Variants in GALNT11 observed in about 807,000 individuals in gnomAD.
GALNT11 encodes polypeptide N-acetylgalactosaminyltransferase 11, also known as UDP-GalNAc:polypeptide N-acetylgalactosaminyltransferase 11.
Under a neutral mutation model 72.7 loss-of-function variants are expected in GALNT11, and 47 were observed. The ratio of observed to expected loss-of-function variants is 0.65; its 90% confidence interval spans 0.51 to 0.82. GALNT11 has a LOEUF of 0.82. GALNT11 is among the 40% of genes least tolerant of loss of function. GALNT11 has a pLI of 0.00. For synonymous variants in GALNT11, 270 were observed against 286.6 expected (o/e 0.94, Z 0.58); for missense variants, 677 against 778.4 (o/e 0.87, Z 1.55).
chr7:152,084,398 A>C (rs989683587), intron 1 of GALNT11, among the ~76,000 whole-genome samples: 4 of 150,772 alleles, frequency 2.7e-5, no homozygotes, highest in African/African-American at 7.3e-5. Context: ...AAAAAAAAAA[A>C]AAAAAACTTT....
chr7:152,113,106 A>G (rs2088421968), intron 7 of GALNT11, 140 bp from the exon 8 acceptor site: 4 of 838,270 alleles, frequency 4.8e-6, no homozygotes, highest in Admixed American at 5.5e-5. Flanking sequence ...TTCTATTTGA[A>G]TATTTGTATC....
At position 152,094,384 on chromosome 7, in the gene GALNT11, A is replaced by G. The variant is rs767897216; in HGVS notation, c.157A>G (p.Lys53Glu). 2 of 1,614,188 alleles carry G rather than the reference A, an allele frequency of 1.2e-6. No homozygotes were observed. The highest frequency in any genetic ancestry group is 1.1e-5 in the South Asian group (1 of 91,086). Reference sequence around the variant, plus strand: ...GTCTGGGCCCCACGGACCATCTCCAAAAAAATTCTATCCCCGTTTCACTCG... The same window carrying G: ...GTCTGGGCCCCACGGACCATCTCCAGAAAAATTCTATCCCCGTTTCACTCG... The part of the protein sequence containing the change: ...KGSGPHGPSP[K>E]KFYPRFTRGP... The change falls in exon 2 of 12, where the codon AAA (lysine) becomes GAA (glutamate). Residue 53 changes from lysine (K) to glutamate (E), a missense_variant. Lys to Glu is a moderately conservative substitution (Grantham distance 56). Coordinates refer to ENST00000430044, the MANE Select transcript of GALNT11 (RefSeq NM_022087.4). The surrounding 1 kb of genome is among the most constrained non-coding windows in gnomAD (Gnocchi z 4.3).
chr7:152,086,884 T>C (rs945735756), intron 1 of GALNT11, among the ~76,000 whole-genome samples: 1 of 152,252 alleles, frequency 6.6e-6, no homozygotes, highest in Non-Finnish European at 1.5e-5. Context: ...ACATGGCTGT[T>C]GTTCTGTGCT....
chr7:152,110,450 C>A, intron 6 of GALNT11, 78 bp from the exon 7 acceptor site: 2 of 952,492 alleles, frequency 2.1e-6, no homozygotes, highest in Non-Finnish European at 3.3e-6. Context: ...TCCAAAATGA[C>A]ACTGAGTATT....
intron 2 of GALNT11, among the ~76,000 whole-genome samples, chr7:152,099,859 GGCTCAA>G (rs1165587714): frequency 6.7e-6 from 1 of 150,054 alleles, no homozygotes. Flanking sequence ...TGATGTCCTG[GGCTCAA>G]GCAGTCTTCC....
intron 5 of GALNT11, among the ~76,000 whole-genome samples, chr7:152,105,950 C>A (rs902142669): frequency 2.6e-5 from 4 of 152,132 alleles, no homozygotes; most frequent in African/African-American, 9.7e-5. Flanking sequence ...ACTGCTCTCC[C>A]CCTTTAAAAA....
At chr7:152,051,852 G>C (rs1437685278) in intron 1 of GALNT11, among the ~76,000 whole-genome samples, 3 of 152,154 alleles carry the variant, frequency 2.0e-5, no homozygotes, top group African/African-American at 4.8e-5. Context: ...TTTCTTTGCT[G>C]TTCCTTGTAA....
intron 1 of GALNT11, among the ~76,000 whole-genome samples, chr7:152,045,751 T>C (rs765118139): frequency 3.3e-5 from 5 of 152,036 alleles, no homozygotes; most frequent in Non-Finnish European, 5.9e-5. Context: ...TGTTGATCTT[T>C]TGTATTGTTT....
chr7:152,101,647 G>C lies in GALNT11; in HGVS notation c.419+726G>C, dbSNP rs1041431930. On this transcript the variant is annotated intron_variant, in intron 3 of 11. Coordinates refer to ENST00000430044, the MANE Select transcript of GALNT11 (RefSeq NM_022087.4). ...CTAAGTTCATGGCTTTTTTTTGGGG[G>C]GGGGGGGATGGAGTCTTTCTCTGTT... Among the ~76,000 whole-genome samples the C allele has an allele frequency of 1.6e-3, 237 of 146,614 alleles. 5 individuals carry two copies. Among genetic ancestry groups the C allele is most frequent in the East Asian group, 0.011 (55 of 4,826 alleles).
rs138626816 is a variant in GALNT11 at position 152,067,971 on chromosome 7, G to A, written c.-38-26219G>A. Among the ~76,000 whole-genome samples the A allele has an allele frequency of 6.4e-3, 978 of 152,112 alleles. 6 individuals carry two copies. Among genetic ancestry groups the A allele is most frequent in the Middle Eastern group, 0.01 (3 of 294 alleles). Reference sequence around the variant, plus strand: ...CAAGCAAGAGAGAGTGGTAGGGGAGGTGCCACATACTTTTAAATGACCAGA... The same window carrying A: ...CAAGCAAGAGAGAGTGGTAGGGGAGATGCCACATACTTTTAAATGACCAGA... On this transcript the variant is annotated intron_variant, in intron 1 of 11. Transcript: ENST00000430044.
chr7:152,044,643 TATC>T (rs2083031686), intron 1 of GALNT11, among the ~76,000 whole-genome samples: 1 of 152,258 alleles, frequency 6.6e-6, no homozygotes, highest in Non-Finnish European at 1.5e-5. Context: ...ATTGATTTTG[TATC>T]CTGTAACTTT....
At chr7:152,116,145 C>A (rs1367348615) in intron 8 of GALNT11, among the ~76,000 whole-genome samples, 1 of 152,178 alleles carries the variant, frequency 6.6e-6, no homozygotes, top group Admixed American at 6.5e-5. Flanking sequence ...TAGAACAGTA[C>A]AATCCAGTGG....
intron 1 of GALNT11, among the ~76,000 whole-genome samples, chr7:152,050,144 C>T (rs2083324827): frequency 1.3e-5 from 2 of 152,018 alleles, no homozygotes; most frequent in Admixed American, 1.3e-4. Flanking sequence ...GACAAAGTCC[C>T]CTTTGCTCTT....
At chr7:152,115,796 CCTGTAATCCCAG>C (rs1449128512) in intron 8 of GALNT11, among the ~76,000 whole-genome samples, 2 of 152,222 alleles carry the variant, frequency 1.3e-5, no homozygotes, top group Non-Finnish European at 2.9e-5. Flanking sequence ...GTGGCGCATG[CCTGTAATCCCAG>C]CACTTTGCGA....
intron 1 of GALNT11, among the ~76,000 whole-genome samples, chr7:152,075,711 G>T (rs997787232): frequency 2.0e-5 from 3 of 151,658 alleles, no homozygotes; most frequent in African/African-American, 7.3e-5. Context: ...CAGGAGAATC[G>T]CTTGAACCCG....
At chr7:152,085,484 T>G (rs1016790113) in intron 1 of GALNT11, among the ~76,000 whole-genome samples, 5 of 152,172 alleles carry the variant, frequency 3.3e-5, no homozygotes, top group African/African-American at 1.2e-4. Context: ...TTCAAAGGCT[T>G]TCAGACTTGG....
chr7:152,117,465 T>G, intron 9 of GALNT11, 90 bp downstream of exon 9: 1 of 1,237,458 alleles, frequency 8.1e-7, no homozygotes, highest in Non-Finnish European at 1.2e-6. Context: ...GGTGACACTG[T>G]GGACTTAACA....
chr7:152,121,798 G>T lies in GALNT11; in HGVS notation c.*121G>T. 7.7e-7 allele frequency: 1 copy of T among 1,301,272 alleles called. No individual in the cohort carries two copies. Among genetic ancestry groups the T allele is most frequent in the Admixed American group, 2.4e-5 (1 of 41,088 alleles). 80.6% of individuals were successfully genotyped at this position (1,301,272 alleles called of 1,614,324 possible). On this transcript the variant is annotated 3_prime_UTR_variant, in exon 12 of 12. Transcript: ENST00000430044. ...ATCTTGGAGAAGATGACAGTTCCCT[G>T]TCCTCCCGGAGATGCCTGGGTGTGT... is the stretch of plus-strand genomic sequence containing the variant.
chr7:152,091,194 C>T (rs1034111869), intron 1 of GALNT11, among the ~76,000 whole-genome samples: 25 of 149,992 alleles, frequency 1.7e-4, no homozygotes, highest in Non-Finnish European at 3.1e-4. Flanking sequence ...ATTACAGGCG[C>T]CCGCCACCAC....
Sources: allele counts gnomAD v4.1 joint callset (sites outside exome capture counted in the v4.1 genomes callset), GRCh38; gene constraint gnomAD v4.1.1; non-coding constraint Gnocchi (gnomAD v3.1); transcripts MANE v1.5; gene names NCBI Gene and HGNC (gene_info 2026-07-23, HGNC 2026-07-21).